Variants in SGSM1 observed in about 807,000 individuals in gnomAD.
SGSM1 encodes the protein RUN and TBC1 domain containing 2.
SGSM1 carries 73 observed loss-of-function variants against 133.8 expected under a neutral mutation model. The observed-to-expected ratio is 0.55, with a 90% CI of 0.45 to 0.66. The LOEUF (loss-of-function observed/expected upper bound fraction) is 0.66, where lower values mean the gene tolerates loss of function less well. SGSM1 is among the 30% of genes least tolerant of loss of function. The pLI, the probability that SGSM1 is intolerant of heterozygous loss-of-function variation, is 0.00. For missense variants in SGSM1, 1,213 were observed against 1,448.1 expected (o/e 0.84, Z 2.64); for synonymous variants, 563 against 573.0 (o/e 0.98, Z 0.25).
At chr22:24,817,387 T>G (rs1443966271) in intron 2 of SGSM1, among the ~76,000 whole-genome samples, 1 of 151,486 alleles carries the variant, frequency 6.6e-6, no homozygotes, top group African/African-American at 2.4e-5. Flanking sequence ...GGAGTCTCAC[T>G]CTGTCGCCAG....
chr22:24,809,963 A>G lies in SGSM1; in HGVS notation c.63+3479A>G, dbSNP rs573874302. On this transcript the variant is annotated intron_variant, in intron 2 of 24. Coordinates refer to ENST00000400358, the MANE Select transcript of SGSM1 (RefSeq NM_001098497.3). Reference sequence around the variant, plus strand: ...GAAGATAAGAGGGTTGAGAGACACTAAGAAAAACCATTCCTGGCAGAAGGT... The same window carrying G: ...GAAGATAAGAGGGTTGAGAGACACTGAGAAAAACCATTCCTGGCAGAAGGT... 2.6e-5 allele frequency among the ~76,000 whole-genome samples: 4 copies of G among 152,308 alleles called. No homozygotes were observed. The East Asian group carries it at 7.7e-4, about 29-fold the overall frequency.
chr22:24,861,566 G>C (rs1336985151), intron 9 of SGSM1, among the ~76,000 whole-genome samples: 1 of 149,982 alleles, frequency 6.7e-6, no homozygotes, highest in Non-Finnish European at 1.5e-5. Context: ...TCATTTTTTT[G>C]AGACACTGCC....
Position 24,850,393 on chromosome 22 carries a change from T to A in SGSM1, c.416T>A (p.Val139Asp). ...LWIRTALFEKVLDKIVHYLVE... is the reference protein window; with the variant it reads ...LWIRTALFEKDLDKIVHYLVE... ...ATTCGCACAGCCTTGTTTGAGAAGG[T>A]CCTGGACAAAATTGTGCATTACCTT... Residue 139 changes from valine to aspartate, a missense_variant, in exon 5 of 25, where the codon GTC (valine) becomes GAC (aspartate). By Grantham distance (152) the Val-to-Asp change is radical. Coordinates refer to ENST00000400358, the MANE Select transcript of SGSM1 (RefSeq NM_001098497.3). 1 of 1,613,962 alleles carries A rather than the reference T, an allele frequency of 6.2e-7. No individual in the cohort carries two copies. Among genetic ancestry groups the A allele is most frequent in the Non-Finnish European group, 8.5e-7 (1 of 1,179,890 alleles).
In SGSM1 at chr22:24,905,206, C is replaced by T. The variant is rs1233711796; in HGVS notation, c.2818+19C>T. On this transcript the variant is annotated intron_variant, in intron 21 of 24. Transcript: ENST00000400358. ...GATGATGGTGAGTGTGTCTTTACTG[C>T]CCTAGGGCTGAGGGTGCATTTCCTT... The T allele has an allele frequency of 1.2e-6, 2 of 1,609,770 alleles. No homozygotes were observed. The highest frequency in any genetic ancestry group is 2.2e-5 in the East Asian group (1 of 44,872).
intron 5 of SGSM1, among the ~76,000 whole-genome samples, chr22:24,852,663 G>A (rs1158156776): frequency 2.0e-5 from 3 of 152,092 alleles, no homozygotes; most frequent in Non-Finnish European, 4.4e-5. Flanking sequence ...GACTGGTCTC[G>A]AACTCCTGGC....
chr22:24,822,399 T>G (rs1014538840), intron 2 of SGSM1, among the ~76,000 whole-genome samples: 3 of 151,948 alleles, frequency 2.0e-5, no homozygotes, highest in African/African-American at 7.2e-5. Context: ...GTCTCATCTC[T>G]CTTTTCTTTC....
intron 3 of SGSM1, among the ~76,000 whole-genome samples, chr22:24,847,163 C>G (rs972129895): frequency 6.6e-6 from 1 of 151,826 alleles, no homozygotes. Context: ...GCGCCTGGCC[C>G]GAGATTAGGC....
chr22:24,904,120 G>A (rs1933273497), intron 20 of SGSM1, among the ~76,000 whole-genome samples: 1 of 152,078 alleles, frequency 6.6e-6, no homozygotes, highest in Non-Finnish European at 1.5e-5. Context: ...TATGATTTGG[G>A]ACATGTCATT....
At chr22:24,897,831 T>A (rs1055704010) in intron 18 of SGSM1, 141 bp from the exon 19 acceptor site, 5 of 741,940 alleles carry the variant, frequency 6.7e-6, no homozygotes, top group Non-Finnish European at 1.1e-5. Flanking sequence ...GCCTCGTTCT[T>A]TTCACTGACT....
chr22:24,888,284 G>T (rs1932723488), intron 16 of SGSM1, among the ~76,000 whole-genome samples: 1 of 152,142 alleles, frequency 6.6e-6, no homozygotes, highest in South Asian at 2.1e-4. Context: ...AGGTCCTGAA[G>T]ATCTTCTCCT....
chr22:24,860,922 AATAT>A (rs1555926665), intron 9 of SGSM1, among the ~76,000 whole-genome samples: 455 of 37,588 alleles, frequency 0.012, 4 homozygotes, highest in Middle Eastern at 0.019. Flanking sequence ...AAAAAAAAAA[AATAT>A]ATATATATAT....
At position 24,879,538 on chromosome 22, in the gene SGSM1, G is replaced by C. The variant is rs1247092696; in HGVS notation, c.1495+12G>C. ...AGCCTTCTATGGATGTACGTATAGG[G>C]CTCCATTGCCAGTGTGTCTCCGTGG... is the stretch of plus-strand genomic sequence containing the variant. On this transcript the variant is annotated intron_variant, in intron 14 of 24. Transcript: ENST00000400358. 1 of 1,612,350 alleles carries C rather than the reference G, an allele frequency of 6.2e-7. No homozygotes were observed. The highest frequency in any genetic ancestry group is 2.2e-5 in the East Asian group (1 of 44,856).
At chr22:24,815,188 G>T (rs1312429137) in intron 2 of SGSM1, among the ~76,000 whole-genome samples, 1 of 152,194 alleles carries the variant, frequency 6.6e-6, no homozygotes, top group East Asian at 1.9e-4. Flanking sequence ...TTGCAGTAAG[G>T]CCTCATTGAG....
intron 14 of SGSM1, 87 bp from the exon 15 acceptor site, chr22:24,883,966 G>T: frequency 7.0e-7 from 1 of 1,421,890 alleles, no homozygotes; most frequent in Non-Finnish European, 9.2e-7. Flanking sequence ...AAAAATTTGA[G>T]GTGGGACAGA....
intron 9 of SGSM1, among the ~76,000 whole-genome samples, chr22:24,861,866 C>T (rs943354583): frequency 1.3e-5 from 2 of 150,804 alleles, no homozygotes; most frequent in Admixed American, 6.6e-5. Context: ...GATGGTTTCT[C>T]GTTTTGTCAC....
chr22:24,806,918 A>C (rs1927434341), intron 2 of SGSM1, among the ~76,000 whole-genome samples: 2 of 152,044 alleles, frequency 1.3e-5, no homozygotes. Context: ...CTTCAGGAAA[A>C]GGCAGAAGGA....
At chr22:24,887,044 G>C (rs1430513534) in intron 16 of SGSM1, among the ~76,000 whole-genome samples, 2 of 151,796 alleles carry the variant, frequency 1.3e-5, no homozygotes, top group Non-Finnish European at 2.9e-5. Flanking sequence ...ATCGGAACCA[G>C]AAGATTGACA....
intron 2 of SGSM1, among the ~76,000 whole-genome samples, chr22:24,811,938 CTGAGTGGATCACT>C: frequency 6.6e-6 from 1 of 150,808 alleles, no homozygotes; most frequent in Middle Eastern, 3.4e-3. Context: ...GGAGGCCAAG[CTGAGTGGATCACT>C]TGAGGTCAGG....
chr22:24,825,550 C>G (rs1928748039), intron 2 of SGSM1, among the ~76,000 whole-genome samples: 1 of 152,196 alleles, frequency 6.6e-6, no homozygotes, highest in South Asian at 2.1e-4. Context: ...CTGTCTCAGT[C>G]TCCCTAGTAG....
Sources: gnomAD v4.1 joint callset for allele counts (sites outside exome capture counted in the v4.1 genomes callset) on GRCh38, gnomAD v4.1.1 for gene constraint, MANE v1.5 for transcripts, NCBI Gene and HGNC (gene_info 2026-07-23, HGNC 2026-07-21) for gene names.